The following DACH1 variants were observed in gnomAD, a reference collection of about 807,000 sequenced individuals.
DACH1 encodes dachshund homolog 1.
Under a neutral mutation model 54.2 loss-of-function variants are expected in DACH1, and 12 were observed. The ratio of observed to expected loss-of-function variants is 0.22; its 90% CI spans 0.14 to 0.36. DACH1 has a LOEUF of 0.36. DACH1 is among the 10% of genes least tolerant of loss of function. The probability of loss-of-function intolerance (pLI) is 1.00; values close to 1 mark genes in which losing one functional copy is unlikely to be tolerated. For synonymous variants in DACH1, 386 were observed against 366.2 expected (o/e 1.05, Z -0.62); for missense variants, 805 against 929.8 (o/e 0.87, Z 1.75).
chr13:71,538,336 G>A (rs1882932246), intron 6 of DACH1, among the ~76,000 whole-genome samples: 1 of 151,728 alleles, frequency 6.6e-6, no homozygotes, highest in African/African-American at 2.4e-5. Flanking sequence ...CCCAACTAGT[G>A]GTTCTATAAT....
At chr13:71,510,267 T>C (rs1409225906) in intron 6 of DACH1, among the ~76,000 whole-genome samples, 2 of 152,032 alleles carry the variant, frequency 1.3e-5, no homozygotes, top group African/African-American at 4.8e-5. Flanking sequence ...ATGATCTCAT[T>C]CAGACACAAG....
At chr13:71,848,047 G>A (rs1020052645) in intron 1 of DACH1, among the ~76,000 whole-genome samples, 3 of 152,078 alleles carry the variant, frequency 2.0e-5, no homozygotes, top group Non-Finnish European at 4.4e-5. Flanking sequence ...TATAAATTTT[G>A]TATTTAGTTT....
At chr13:71,647,809 A>G (rs987712564) in intron 2 of DACH1, among the ~76,000 whole-genome samples, 3 of 152,214 alleles carry the variant, frequency 2.0e-5, no homozygotes, top group African/African-American at 7.2e-5. Context: ...TAAAGAAAAT[A>G]GCTACCAACT....
chr13:71,688,774 C>A (rs1881316383), intron 1 of DACH1, among the ~76,000 whole-genome samples: 1 of 152,058 alleles, frequency 6.6e-6, no homozygotes, highest in African/African-American at 2.4e-5. Flanking sequence ...ATTCAGTACA[C>A]CAAATGAATA....
intron 1 of DACH1, among the ~76,000 whole-genome samples, chr13:71,815,886 C>A (rs1887898022): frequency 6.6e-6 from 1 of 151,912 alleles, no homozygotes; most frequent in African/African-American, 2.4e-5. Context: ...GAGATCGAGA[C>A]CATCCTGGCT....
chr13:71,545,560 A>G (rs1883410853), intron 6 of DACH1, among the ~76,000 whole-genome samples: 1 of 149,732 alleles, frequency 6.7e-6, no homozygotes, highest in African/African-American at 2.5e-5. Flanking sequence ...GGAGGGAGAG[A>G]GGGAGGAAAG....
chr13:71,839,196 CA>C, intron 1 of DACH1, among the ~76,000 whole-genome samples: 1 of 152,188 alleles, frequency 6.6e-6, no homozygotes, highest in East Asian at 1.9e-4. Context: ...ATGTGGTTTT[CA>C]AAGTTACTTG....
chr13:71,489,101 G>C lies in DACH1; in HGVS notation c.1618C>G (p.Leu540Val). ...GGTTGTCCATGCCCAGTTAGAGAGA[G>C]TTTGTCAAGGCTGTCTCTTGCGGTT... ...TPTARDSLDK[L>V]SLTGHGQPLP... Residue 540 changes from leucine to valine, a missense_variant, in exon 7 of 11, where the codon CTC becomes GTC. Transcript: ENST00000613252. 1 of 1,613,766 alleles carries C rather than the reference G, an allele frequency of 6.2e-7. No individual in the cohort carries two copies. Among genetic ancestry groups the C allele is most frequent in the Non-Finnish European group, 8.5e-7 (1 of 1,179,792 alleles).
chr13:71,651,680 C>CTGTATATGTATATGTATA lies in DACH1; in HGVS notation c.965-20981_965-20964dup, dbSNP rs57138100. On this transcript the variant is annotated intron_variant, in intron 2 of 10. Transcript: ENST00000613252. ...TATGTATCTGTATCTGTATCTGTAT[C>CTGTATATGTATATGTATA]TGTATATGTATATGTATATGTATAT... is the stretch of plus-strand genomic sequence containing the variant. Among the ~76,000 whole-genome samples the CTGTATATGTATATGTATA allele has an allele frequency of 1.6e-3, 195 of 121,844 alleles. 3 individuals are homozygous for CTGTATATGTATATGTATA. In the East Asian group the frequency reaches 0.06, roughly 37 times the overall value. 79.9% of individuals were successfully genotyped at this position (121,844 alleles called of 152,430 possible).
intron 3 of DACH1, among the ~76,000 whole-genome samples, chr13:71,577,729 T>C (rs1180144094): frequency 6.6e-6 from 1 of 151,972 alleles, no homozygotes; most frequent in Non-Finnish European, 1.5e-5. Flanking sequence ...TTCTTGTAAA[T>C]AAACTGAAAT....
At chr13:71,585,465 G>A (rs1365726178) in intron 3 of DACH1, among the ~76,000 whole-genome samples, 1 of 152,140 alleles carries the variant, frequency 6.6e-6, no homozygotes, top group Non-Finnish European at 1.5e-5. Context: ...TGGAAAAAGA[G>A]CTGAATTTGG....
chr13:71,621,082 T>TTG (rs1464903286), intron 3 of DACH1, among the ~76,000 whole-genome samples: 1 of 151,970 alleles, frequency 6.6e-6, no homozygotes, highest in Non-Finnish European at 1.5e-5. Flanking sequence ...CATATATATG[T>TTG]TGTATATATT....
At chr13:71,679,522 A>G (rs1456040669) in intron 2 of DACH1, among the ~76,000 whole-genome samples, 3 of 152,124 alleles carry the variant, frequency 2.0e-5, no homozygotes, top group Admixed American at 2.0e-4. Context: ...TATAACTGTG[A>G]GAAAGTAACA....
chr13:71,833,952 C>G (rs1390255093), intron 1 of DACH1, among the ~76,000 whole-genome samples: 2 of 151,870 alleles, frequency 1.3e-5, no homozygotes, highest in Non-Finnish European at 2.9e-5. Context: ...CTAACTGATC[C>G]TCATCTTTTT....
chr13:71,763,961 A>C (rs910512640), intron 1 of DACH1, among the ~76,000 whole-genome samples: 1 of 152,166 alleles, frequency 6.6e-6, no homozygotes, highest in Admixed American at 6.5e-5. Context: ...TTTTTAACGA[A>C]CATTTGTTGA....
intron 1 of DACH1, among the ~76,000 whole-genome samples, chr13:71,844,622 T>C (rs1181356747): frequency 6.6e-6 from 1 of 152,194 alleles, no homozygotes; most frequent in Non-Finnish European, 1.5e-5. Context: ...GATGAGACAC[T>C]AAACATTAAC....
intron 1 of DACH1, among the ~76,000 whole-genome samples, chr13:71,834,018 A>G (rs1888686466): frequency 6.6e-6 from 1 of 152,046 alleles, no homozygotes; most frequent in Admixed American, 6.6e-5. Context: ...TAACTTTACA[A>G]AAGTATGGAC....
At chr13:71,466,581 G>A (rs1267853568) in intron 10 of DACH1, among the ~76,000 whole-genome samples, 1 of 152,042 alleles carries the variant, frequency 6.6e-6, no homozygotes, top group Non-Finnish European at 1.5e-5. Flanking sequence ...GGCGGCTCAC[G>A]CCTGTAATCA....
At chr13:71,598,755 A>G (rs1380200354) in intron 3 of DACH1, among the ~76,000 whole-genome samples, 1 of 152,210 alleles carries the variant, frequency 6.6e-6, no homozygotes, top group African/African-American at 2.4e-5. Context: ...ACTATCATTT[A>G]TCACATATTC....
Sources: gnomAD v4.1 joint callset for allele counts (sites outside exome capture counted in the v4.1 genomes callset) on GRCh38, gnomAD v4.1.1 for gene constraint, MANE v1.5 for transcripts, NCBI Gene and HGNC (gene_info 2026-07-23, HGNC 2026-07-21) for gene names.